Variants in ZMIZ1 observed in about 807,000 individuals in gnomAD.
The protein encoded by ZMIZ1 is zinc finger MIZ-type containing 1.
In ZMIZ1, 17 loss-of-function variants were observed where a neutral mutation model predicts 113.9. The ratio of observed to expected loss-of-function variants is 0.15; its 90% CI spans 0.10 to 0.22. ZMIZ1 has a LOEUF of 0.22. ZMIZ1 is among the 10% of genes least tolerant of loss of function. The pLI is 1.00. For missense variants in ZMIZ1, 1,059 were observed against 1,477.8 expected (o/e 0.72, Z 4.65); for synonymous variants, 607 against 603.1 (o/e 1.01, Z -0.09).
At chr10:79,162,016 T>G (rs1171532497) in intron 3 of ZMIZ1, 37 bp from the exon 4 acceptor site, 1 of 399,030 alleles carries the variant, frequency 2.5e-6, no homozygotes, top group Admixed American at 4.4e-5. Flanking sequence ...GGGCCTCTAC[T>G]GTGGGTAGAC....
At chr10:79,200,366 C>T (rs761539009) in intron 4 of ZMIZ1, among the ~76,000 whole-genome samples, 2 of 152,230 alleles carry the variant, frequency 1.3e-5, no homozygotes, top group Non-Finnish European at 2.9e-5. Context: ...CCTAGATCCC[C>T]GCCTTTGCTG....
intron 6 of ZMIZ1, among the ~76,000 whole-genome samples, chr10:79,214,429 A>G (rs1469710281): frequency 1.3e-5 from 2 of 152,196 alleles, no homozygotes; most frequent in African/African-American, 2.4e-5. Flanking sequence ...TCCCATTCCA[A>G]GAGTCACTGG....
chr10:79,128,372 A>G (rs1844609083), intron 2 of ZMIZ1, among the ~76,000 whole-genome samples: 1 of 152,232 alleles, frequency 6.6e-6, no homozygotes. Flanking sequence ...CCAGCAACCA[A>G]GAGGAGCCCA....
chr10:79,215,468 T>C (rs1435940063), intron 6 of ZMIZ1, among the ~76,000 whole-genome samples: 1 of 152,010 alleles, frequency 6.6e-6, no homozygotes, highest in Non-Finnish European at 1.5e-5. Context: ...TCGGCTAATT[T>C]TTGTATTTTT....
intron 1 of ZMIZ1, among the ~76,000 whole-genome samples, chr10:79,071,970 T>C (rs1385527608): frequency 4.4e-5 from 1 of 22,980 alleles, no homozygotes; most frequent in Admixed American, 5.7e-4. Context: ...TGACTGGGGG[T>C]GGGGGCTGGG....
chr10:79,117,061 C>T (rs1461323469), intron 1 of ZMIZ1, among the ~76,000 whole-genome samples: 1 of 152,268 alleles, frequency 6.6e-6, no homozygotes, highest in Non-Finnish European at 1.5e-5. Context: ...GTCACACGGG[C>T]AGTGGGTGCT....
rs538205724 is a variant in ZMIZ1, at chr10:79,127,497, G to C, written c.-227+8473G>C. ...TAATAAAGCAGCCACCCCACAGCAG[G>C]GGGTGGCAAGCTTCTCTTATCCTCA... On this transcript the variant is annotated intron_variant, in intron 2 of 24. Transcript: ENST00000334512. 7.2e-5 allele frequency among the ~76,000 whole-genome samples: 11 copies of C among 152,068 alleles called. 1 individual carries two copies. The highest frequency in any genetic ancestry group is 2.7e-4 in the African/African-American group (11 of 41,376).
At chr10:79,168,659 G>C (rs943933214) in intron 4 of ZMIZ1, among the ~76,000 whole-genome samples, 12 of 152,218 alleles carry the variant, frequency 7.9e-5, no homozygotes, top group African/African-American at 2.9e-4. Flanking sequence ...GGCTGTGTGC[G>C]GACTCCACGA....
chr10:79,146,829 G>A (rs544863045), intron 3 of ZMIZ1, among the ~76,000 whole-genome samples: 2 of 152,316 alleles, frequency 1.3e-5, no homozygotes, highest in Non-Finnish European at 2.9e-5. Context: ...ACAAGTGCTT[G>A]GGGAGGGCAT....
intron 2 of ZMIZ1, among the ~76,000 whole-genome samples, chr10:79,128,981 ACAGTACTTAGAAAGTCTGGTG>A (rs1844635315): frequency 6.6e-6 from 1 of 152,216 alleles, no homozygotes; most frequent in Non-Finnish European, 1.5e-5. Flanking sequence ...CAACATATGC[ACAGTACTTAGAAAGTCTGGTG>A]CAGGGTAACA....
At position 79,290,948 on chromosome 10, in the gene ZMIZ1, T is replaced by C. The variant is rs1853453441; in HGVS notation, c.541-11T>C. ...TAGCACCTTAGGTGACAACCACTTC[T>C]CTGCCCACAGGTCCTTGGGAACCCT... is the stretch of plus-strand genomic sequence containing the variant. On this transcript the variant is annotated splice_polypyrimidine_tract_variant and intron_variant, in intron 9 of 24. Transcript: ENST00000334512. 6.2e-7 allele frequency: 1 copy of C among 1,611,242 alleles called. No homozygotes were observed. The highest frequency in any genetic ancestry group is 8.5e-7 in the Non-Finnish European group (1 of 1,177,774).
chr10:79,282,463 G>A (rs973062989), intron 8 of ZMIZ1, among the ~76,000 whole-genome samples: 3 of 152,182 alleles, frequency 2.0e-5, no homozygotes, highest in Non-Finnish European at 2.9e-5. Context: ...TTGCAGCCCC[G>A]CCCTGCCCCG....
intron 7 of ZMIZ1, among the ~76,000 whole-genome samples, chr10:79,230,167 C>G (rs534520218): frequency 3.7e-4 from 56 of 152,180 alleles, no homozygotes; most frequent in Non-Finnish European, 6.8e-4. Flanking sequence ...TCCCCGCCCC[C>G]CTTTCTCCTT....
intron 7 of ZMIZ1, among the ~76,000 whole-genome samples, chr10:79,223,556 T>C (rs1326662470): frequency 6.6e-6 from 1 of 152,228 alleles, no homozygotes; most frequent in Non-Finnish European, 1.5e-5. Flanking sequence ...TGACTCATGG[T>C]CAGATCTGTT....
intron 7 of ZMIZ1, among the ~76,000 whole-genome samples, chr10:79,245,405 C>T (rs1261233908): frequency 6.6e-6 from 1 of 152,218 alleles, no homozygotes; most frequent in Non-Finnish European, 1.5e-5. Context: ...TTCTCATCAC[C>T]GTATGCCCCA....
intron 4 of ZMIZ1, among the ~76,000 whole-genome samples, chr10:79,163,620 T>C (rs1351462409): frequency 6.6e-6 from 1 of 152,212 alleles, no homozygotes; most frequent in Admixed American, 6.5e-5. Flanking sequence ...CACAGAGCCA[T>C]CAGTGCTGGA....
At chr10:79,297,817 T>C (rs757332705) in intron 14 of ZMIZ1, 127 bp downstream of exon 14, 1 of 750,158 alleles carries the variant, frequency 1.3e-6, no homozygotes, top group Non-Finnish European at 2.2e-6. Context: ...CACTCCCTGG[T>C]CCCCTGTCCT....
At chr10:79,138,182 C>A (rs1461360392) in intron 2 of ZMIZ1, among the ~76,000 whole-genome samples, 6 of 152,202 alleles carry the variant, frequency 3.9e-5, no homozygotes, top group Non-Finnish European at 2.9e-5. Flanking sequence ...CCATTGCCAG[C>A]CTCCTCTCAA....
At chr10:79,117,368 A>G (rs1428914367) in intron 1 of ZMIZ1, among the ~76,000 whole-genome samples, 1 of 152,176 alleles carries the variant, frequency 6.6e-6, no homozygotes, top group Non-Finnish European at 1.5e-5. Context: ...CCTTTATATA[A>G]ATGGATCTCA....
Sources: gnomAD v4.1 joint callset for allele counts (sites outside exome capture counted in the v4.1 genomes callset) on GRCh38, gnomAD v4.1.1 for gene constraint, MANE v1.5 for transcripts, NCBI Gene and HGNC (gene_info 2026-07-23, HGNC 2026-07-21) for gene names.